CHST9: variants seen among roughly 807,000 people sequenced by gnomAD.
CHST9 encodes GalNAc-4-sulfotransferase 2.
CHST9 carries 41 observed loss-of-function variants against 44.4 expected under a neutral mutation model. The ratio of observed to expected loss-of-function variants is 0.92; its 90% CI spans 0.72 to 1.20. CHST9 has a LOEUF of 1.20. Among genes scored for constraint, CHST9 ranks in the 50% most tolerant of loss-of-function variants. The probability of loss-of-function intolerance (pLI) is 0.00; values close to 1 mark genes in which losing one functional copy is unlikely to be tolerated. For missense variants in CHST9, 504 were observed against 516.5 expected (o/e 0.98, Z 0.23); for synonymous variants, 171 against 178.4 (o/e 0.96, Z 0.33).
chr18:27,066,587 A>G (rs1406026524), intron 2 of CHST9, among the ~76,000 whole-genome samples: 2 of 152,136 alleles, frequency 1.3e-5, no homozygotes, highest in African/African-American at 4.8e-5. Context: ...ATGAGCCACA[A>G]TACTCAGCCA....
At chr18:27,012,208 CT>C (rs1211166273) in intron 4 of CHST9, among the ~76,000 whole-genome samples, 7 of 152,164 alleles carry the variant, frequency 4.6e-5, no homozygotes, top group Non-Finnish European at 7.3e-5. Flanking sequence ...GCCAACCCCC[CT>C]GTGCCATCAA....
At chr18:27,137,767 T>C (rs541405602) in intron 2 of CHST9, among the ~76,000 whole-genome samples, 1 of 152,318 alleles carries the variant, frequency 6.6e-6, no homozygotes, top group East Asian at 1.9e-4. Context: ...GTCTCAAAGC[T>C]GTCTTACGGC....
chr18:27,023,841 C>T (rs1373852271), intron 4 of CHST9, among the ~76,000 whole-genome samples: 2 of 152,122 alleles, frequency 1.3e-5, no homozygotes. Flanking sequence ...ATAAGGAAAA[C>T]ACCATCCTAT....
intron 2 of CHST9, among the ~76,000 whole-genome samples, chr18:27,103,106 T>C (rs905983041): frequency 6.6e-6 from 1 of 152,186 alleles, no homozygotes; most frequent in Non-Finnish European, 1.5e-5. Context: ...AAATAGAATT[T>C]TGGAATTCCT....
At chr18:27,105,794 A>T (rs2058215764) in intron 2 of CHST9, among the ~76,000 whole-genome samples, 2 of 150,718 alleles carry the variant, frequency 1.3e-5, no homozygotes, top group Admixed American at 1.3e-4. Context: ...TTTGGCACTC[A>T]ACCCCTCACA....
chr18:27,042,276 C>T (rs35725335), intron 3 of CHST9, among the ~76,000 whole-genome samples: 31,735 of 152,028 alleles, frequency 0.21, 3,608 homozygotes, highest in African/African-American at 0.3. Context: ...ACCCAAGTGA[C>T]CTTGACCAAG....
At chr18:27,161,326 G>T (rs1468866044) in intron 1 of CHST9, among the ~76,000 whole-genome samples, 3 of 152,148 alleles carry the variant, frequency 2.0e-5, no homozygotes, top group Non-Finnish European at 4.4e-5. Flanking sequence ...GTTCTTGTTT[G>T]TTTCAAAGAA....
At chr18:26,931,387 C>T (rs1481422822) in intron 5 of CHST9, among the ~76,000 whole-genome samples, 1 of 152,206 alleles carries the variant, frequency 6.6e-6, no homozygotes, top group Non-Finnish European at 1.5e-5. Context: ...TTCCTAGGGC[C>T]TTCCATCATT....
At chr18:26,919,015 T>G (rs549879258) in intron 5 of CHST9, among the ~76,000 whole-genome samples, 1 of 152,132 alleles carries the variant, frequency 6.6e-6, no homozygotes, top group African/African-American at 2.4e-5. Flanking sequence ...GCCTGTCTTA[T>G]ATGGTGGCAG....
intron 2 of CHST9, among the ~76,000 whole-genome samples, chr18:27,103,093 G>A (rs2058189228): frequency 1.3e-5 from 2 of 152,148 alleles, no homozygotes; most frequent in Non-Finnish European, 2.9e-5. Context: ...CCACTTAAAT[G>A]ACAAATAGAA....
chr18:26,948,128 T>C (rs2056192000), intron 4 of CHST9, among the ~76,000 whole-genome samples: 2 of 152,158 alleles, frequency 1.3e-5, no homozygotes, highest in South Asian at 4.1e-4. Flanking sequence ...ACCATCATTC[T>C]CAGCAAACTA....
intron 4 of CHST9, among the ~76,000 whole-genome samples, chr18:27,008,585 G>A (rs147512830): frequency 1.9e-4 from 29 of 152,276 alleles, no homozygotes; most frequent in African/African-American, 6.7e-4. Context: ...TGTGTATTGA[G>A]CAGATGTTTC....
At chr18:27,084,076 A>C (rs1015498491) in intron 2 of CHST9, among the ~76,000 whole-genome samples, 3 of 149,854 alleles carry the variant, frequency 2.0e-5, no homozygotes, top group Non-Finnish European at 4.4e-5. Context: ...ATCTATGTTC[A>C]TCAGGGATAT....
intron 2 of CHST9, among the ~76,000 whole-genome samples, chr18:27,062,425 C>T (rs1157517157): frequency 6.6e-6 from 1 of 152,032 alleles, no homozygotes; most frequent in Non-Finnish European, 1.5e-5. Context: ...GGTTTTCTCT[C>T]CTTGCGATAG....
intron 4 of CHST9, among the ~76,000 whole-genome samples, chr18:26,952,721 T>A (rs535402707): frequency 2.6e-5 from 4 of 152,220 alleles, no homozygotes; most frequent in Non-Finnish European, 5.9e-5. Context: ...CAGTATAGTA[T>A]ATTCATTCCA....
At chr18:26,922,407 T>C (rs2055674365) in intron 5 of CHST9, among the ~76,000 whole-genome samples, 2 of 152,234 alleles carry the variant, frequency 1.3e-5, no homozygotes, top group East Asian at 1.9e-4. Flanking sequence ...CCACAGTTAT[T>C]TGATTGTTTT....
At chr18:27,140,680 C>A (rs560749138) in intron 2 of CHST9, among the ~76,000 whole-genome samples, 1 of 152,236 alleles carries the variant, frequency 6.6e-6, no homozygotes, top group South Asian at 2.1e-4. Context: ...TCCATTCATT[C>A]ATTCATTCAT....
intron 4 of CHST9, among the ~76,000 whole-genome samples, chr18:26,985,174 A>T (rs934302357): frequency 2.6e-5 from 4 of 152,240 alleles, no homozygotes; most frequent in African/African-American, 7.2e-5. Flanking sequence ...AGAATGAATG[A>T]ACTACTACTA....
intron 2 of CHST9, among the ~76,000 whole-genome samples, chr18:27,112,141 C>T (rs567710066): frequency 8.8e-5 from 13 of 147,818 alleles, no homozygotes; most frequent in African/African-American, 3.2e-4. Flanking sequence ...AAACATATAA[C>T]TATATTTATA....
Sources: gnomAD v4.1 joint callset for allele counts (sites outside exome capture counted in the v4.1 genomes callset) on GRCh38, gnomAD v4.1.1 for gene constraint, MANE v1.5 for transcripts, NCBI Gene and HGNC (gene_info 2026-07-23, HGNC 2026-07-21) for gene names.